The following TBC1D22A variants were observed in gnomAD, a reference collection of about 807,000 sequenced individuals.
TBC1D22A encodes the protein TBC1 domain family member 22A, also known as putative GTPase activator.
Under a neutral mutation model 60.2 loss-of-function variants are expected in TBC1D22A, and 38 were observed. The observed-to-expected ratio is 0.63, with a 90% CI of 0.49 to 0.83. The LOEUF is 0.83. Ranked by LOEUF, TBC1D22A falls within the 40% of genes least tolerant of loss-of-function variation. The probability of loss-of-function intolerance (pLI) is 0.00; values close to 1 mark genes in which losing one functional copy is unlikely to be tolerated. For missense variants in TBC1D22A, 628 were observed against 701.0 expected (o/e 0.90, Z 1.18); for synonymous variants, 302 against 281.7 (o/e 1.07, Z -0.72).
intron 8 of TBC1D22A, among the ~76,000 whole-genome samples, chr22:46,973,978 T>TTAAGTAA (rs1464075569): frequency 2.0e-5 from 3 of 152,232 alleles, no homozygotes; most frequent in Non-Finnish European, 2.9e-5. Context: ...TCTGTTAGGA[T>TTAAGTAA]TAAGTAATAT....
intron 12 of TBC1D22A, among the ~76,000 whole-genome samples, chr22:47,168,950 T>TGGGAGCCTCGTCTGCTCTTCGGCATC (rs1250359543): frequency 6.6e-6 from 1 of 152,138 alleles, no homozygotes; most frequent in Admixed American, 6.5e-5. Flanking sequence ...GCCTCAGCAT[T>TGGGAGCCTCGTCTGCTCTTCGGCATC]GGGAGCCTCG....
intron 9 of TBC1D22A, among the ~76,000 whole-genome samples, chr22:46,995,306 A>G (rs1328753138): frequency 6.6e-6 from 1 of 152,204 alleles, no homozygotes; most frequent in Non-Finnish European, 1.5e-5. Flanking sequence ...GAGATGTGAC[A>G]GTTTGGAATC....
intron 4 of TBC1D22A, among the ~76,000 whole-genome samples, chr22:46,822,910 G>C (rs1346421492): frequency 1.3e-5 from 2 of 152,156 alleles, no homozygotes; most frequent in African/African-American, 4.8e-5. Context: ...TCCAGTATAT[G>C]TGAGAATTGC....
chr22:47,055,896 G>GGTGAGGTACGCCACTGAGGGTCA (rs2063377661), intron 11 of TBC1D22A, among the ~76,000 whole-genome samples: 1 of 150,600 alleles, frequency 6.6e-6, no homozygotes, highest in Admixed American at 6.6e-5. Flanking sequence ...ACTGAGGGTC[G>GGTGAGGTACGCCACTGAGGGTCA]GTGAGATACG....
intron 8 of TBC1D22A, among the ~76,000 whole-genome samples, chr22:46,967,584 A>G (rs962777856): frequency 6.6e-6 from 1 of 152,184 alleles, no homozygotes; most frequent in Non-Finnish European, 1.5e-5. Flanking sequence ...GCTGGCTCTT[A>G]CCGACAGCGT....
At chr22:46,957,381 A>T (rs908497839) in intron 8 of TBC1D22A, among the ~76,000 whole-genome samples, 1 of 152,220 alleles carries the variant, frequency 6.6e-6, no homozygotes, top group Non-Finnish European at 1.5e-5. Context: ...GCCTTAGGAA[A>T]CTTACAATCA....
intron 12 of TBC1D22A, among the ~76,000 whole-genome samples, chr22:47,124,269 G>A (rs1159158696): frequency 6.6e-6 from 1 of 152,220 alleles, no homozygotes; most frequent in Non-Finnish European, 1.5e-5. Context: ...GTGATGTGCA[G>A]GGTTCAGAGG....
intron 4 of TBC1D22A, among the ~76,000 whole-genome samples, chr22:46,852,296 C>G (rs1319047082): frequency 6.6e-6 from 1 of 152,214 alleles, no homozygotes; most frequent in African/African-American, 2.4e-5. Flanking sequence ...GCTTCCCGGC[C>G]CGCAGAGAAC....
intron 4 of TBC1D22A, among the ~76,000 whole-genome samples, chr22:46,856,470 A>G: frequency 6.6e-6 from 1 of 152,266 alleles, no homozygotes; most frequent in African/African-American, 2.4e-5. Context: ...TCAAGCTTCT[A>G]ATTTGTTGAA....
At chr22:46,779,730 A>C (rs2083857959) in intron 1 of TBC1D22A, among the ~76,000 whole-genome samples, 1 of 152,220 alleles carries the variant, frequency 6.6e-6, no homozygotes, top group Non-Finnish European at 1.5e-5. Context: ...CTGGGTTCTC[A>C]GTGCTCCGAG....
intron 12 of TBC1D22A, among the ~76,000 whole-genome samples, chr22:47,165,899 G>A (rs1345377493): frequency 3.3e-5 from 5 of 152,150 alleles, no homozygotes; most frequent in African/African-American, 1.2e-4. Context: ...GGAGGCTGTG[G>A]AAAAGCAAAT....
chr22:46,997,050 C>A (rs1352159412), intron 9 of TBC1D22A, among the ~76,000 whole-genome samples: 4 of 152,210 alleles, frequency 2.6e-5, no homozygotes, highest in African/African-American at 9.6e-5. Context: ...CCCAGGCCCC[C>A]TTCCCTTTGA....
chr22:47,074,793 C>T (rs2064135717), intron 11 of TBC1D22A, among the ~76,000 whole-genome samples: 2 of 152,214 alleles, frequency 1.3e-5, no homozygotes, highest in Admixed American at 6.5e-5. Flanking sequence ...CATTGGCCAA[C>T]AGATCAAGTC....
At chr22:47,033,576 C>G (rs2062558158) in intron 10 of TBC1D22A, among the ~76,000 whole-genome samples, 1 of 152,140 alleles carries the variant, frequency 6.6e-6, no homozygotes, top group Admixed American at 6.5e-5. Context: ...GGGCAGGCAC[C>G]CTGAGCACTT....
chr22:46,848,148 GGCTTTAAAGC>G (rs1482275357), intron 4 of TBC1D22A, among the ~76,000 whole-genome samples: 4 of 152,212 alleles, frequency 2.6e-5, no homozygotes, highest in African/African-American at 9.6e-5. Context: ...CATTAAGAGC[GGCTTTAAAGC>G]TTTTAATTTT....
At chr22:47,111,268 G>A (rs1387099479) in intron 11 of TBC1D22A, among the ~76,000 whole-genome samples, 2 of 152,256 alleles carry the variant, frequency 1.3e-5, no homozygotes, top group African/African-American at 4.8e-5. Context: ...GAGGCTGTCT[G>A]AAGCTTGGTC....
At chr22:46,819,213 A>G (rs759239689) in intron 4 of TBC1D22A, among the ~76,000 whole-genome samples, 7 of 152,174 alleles carry the variant, frequency 4.6e-5, no homozygotes, top group Non-Finnish European at 1.0e-4. Flanking sequence ...TCCTATTTGA[A>G]TACCCTTTAT....
At chr22:46,773,977 C>T (rs1445849431) in intron 1 of TBC1D22A, 5 of 985,402 alleles carry the variant, frequency 5.1e-6, no homozygotes, top group Non-Finnish European at 6.0e-6. Flanking sequence ...TCCTCCATTC[C>T]CTAGGGGACT....
intron 11 of TBC1D22A, among the ~76,000 whole-genome samples, chr22:47,062,474 G>A (rs568618445): frequency 1.1e-4 from 16 of 152,176 alleles, no homozygotes; most frequent in South Asian, 2.1e-4. Flanking sequence ...ACCAATGTCC[G>A]TGTGTTCCTT....
Sources: allele counts gnomAD v4.1 joint callset (sites outside exome capture counted in the v4.1 genomes callset), GRCh38; gene constraint gnomAD v4.1.1; transcripts MANE v1.5; gene names NCBI Gene and HGNC (gene_info 2026-07-23, HGNC 2026-07-21).